TMEM266: variants seen among roughly 807,000 people sequenced by gnomAD.
TMEM266 encodes Hv1 related protein 1.
Under a neutral mutation model 50.5 loss-of-function variants are expected in TMEM266, and 33 were observed. The observed-to-expected ratio is 0.65, with a 90% CI of 0.50 to 0.87. The LOEUF is 0.87. Ranked by LOEUF, TMEM266 falls within the 40% of genes least tolerant of loss-of-function variation. TMEM266 has a pLI of 0.00. For synonymous variants in TMEM266, 310 were observed against 292.3 expected (o/e 1.06, Z -0.62); for missense variants, 655 against 695.1 (o/e 0.94, Z 0.65).
At chr15:76,083,068 G>T (rs2036719490) in intron 1 of TMEM266, among the ~76,000 whole-genome samples, 1 of 151,968 alleles carries the variant, frequency 6.6e-6, no homozygotes, top group Non-Finnish European at 1.5e-5. Context: ...CCATTCATGA[G>T]GGATCCACCC....
chr15:76,124,505 A>AT (rs2037389911), intron 1 of TMEM266, among the ~76,000 whole-genome samples: 1 of 152,182 alleles, frequency 6.6e-6, no homozygotes, highest in Non-Finnish European at 1.5e-5. Flanking sequence ...TCCTATCAAA[A>AT]TTCCAATAGT....
intron 1 of TMEM266, among the ~76,000 whole-genome samples, chr15:76,127,449 C>T (rs560850510): frequency 9.2e-5 from 14 of 151,998 alleles, no homozygotes; most frequent in Non-Finnish European, 1.8e-4. Context: ...ACTTGAACCT[C>T]CAGAGCAGCT....
At chr15:76,178,021 C>T (rs1021599914) in intron 8 of TMEM266, among the ~76,000 whole-genome samples, 14 of 152,194 alleles carry the variant, frequency 9.2e-5, no homozygotes, top group Admixed American at 7.2e-4. Flanking sequence ...GTGGGGTGTG[C>T]GAGTGGGTGC....
chr15:76,187,844 T>C (rs191879337), intron 8 of TMEM266, among the ~76,000 whole-genome samples: 1 of 152,336 alleles, frequency 6.6e-6, no homozygotes, highest in Non-Finnish European at 1.5e-5. Flanking sequence ...TTGAACAGGC[T>C]AACTGGTTTC....
At chr15:76,128,913 C>T (rs2037462984) in intron 1 of TMEM266, among the ~76,000 whole-genome samples, 1 of 152,068 alleles carries the variant, frequency 6.6e-6, no homozygotes, top group Non-Finnish European at 1.5e-5. Context: ...ATGAATGAAT[C>T]CCTGGAGCTG....
At chr15:76,124,550 G>T (rs2142021693) in intron 1 of TMEM266, among the ~76,000 whole-genome samples, 1 of 152,172 alleles carries the variant, frequency 6.6e-6, no homozygotes, top group East Asian at 1.9e-4. Flanking sequence ...TGTAATCCAG[G>T]CTATTTGGGA....
At chr15:76,121,677 A>G (rs992240201) in intron 1 of TMEM266, among the ~76,000 whole-genome samples, 2 of 152,166 alleles carry the variant, frequency 1.3e-5, no homozygotes, top group Admixed American at 1.3e-4. Flanking sequence ...TCGGCCTCCC[A>G]AAGTGCTGGG....
At chr15:76,105,349 G>A (rs2037065007) in intron 1 of TMEM266, among the ~76,000 whole-genome samples, 1 of 152,186 alleles carries the variant, frequency 6.6e-6, no homozygotes, top group Non-Finnish European at 1.5e-5. Context: ...CCCCCTCTGA[G>A]GCTTCCCTGG....
rs1179453474 is a variant in TMEM266, at chr15:76,192,038, C to T, written c.839C>T (p.Ala280Val). 6 of 1,558,924 alleles carry T rather than the reference C, an allele frequency of 3.8e-6. No individual in the cohort carries two copies. The highest frequency in any genetic ancestry group is 1.2e-5 in the South Asian group (1 of 85,722). Residue 280 changes from alanine (A) to valine (V), a missense_variant, in exon 9 of 11, where the codon GCG (alanine) becomes GTG (valine). Coordinates refer to ENST00000388942, the MANE Select transcript of TMEM266 (RefSeq NM_152335.3). Reference sequence around the variant, plus strand: ...GACCTGGCTGCCGAGCGCGAAGCGGCGCTCCAGGCCCCGCACGTGCTCAGC... The same window carrying T: ...GACCTGGCTGCCGAGCGCGAAGCGGTGCTCCAGGCCCCGCACGTGCTCAGC...
At chr15:76,089,443 T>G (rs1203799528) in intron 1 of TMEM266, among the ~76,000 whole-genome samples, 1 of 152,076 alleles carries the variant, frequency 6.6e-6, no homozygotes, top group Non-Finnish European at 1.5e-5. Context: ...TCTGCCCGCC[T>G]CAGCCTCCCA....
rs993606874 is a variant in TMEM266 at position 76,106,843 on chromosome 15, G to A, written c.-96-27325G>A. Reference sequence around the variant, plus strand: ...TCACATACTTATTTTGTGTGTGTGTGTTGAGAACACTTAAACTCTAGTAAT... The same window carrying A: ...TCACATACTTATTTTGTGTGTGTGTATTGAGAACACTTAAACTCTAGTAAT... On this transcript the variant is annotated intron_variant, in intron 1 of 10. Transcript: ENST00000388942. 2.6e-5 allele frequency among the ~76,000 whole-genome samples: 4 copies of A among 152,280 alleles called. No homozygotes were observed. In the East Asian group the frequency reaches 7.7e-4, roughly 29 times the overall value.
chr15:76,120,158 G>A (rs2037318607), intron 1 of TMEM266, among the ~76,000 whole-genome samples: 1 of 151,054 alleles, frequency 6.6e-6, no homozygotes, highest in African/African-American at 2.4e-5. Flanking sequence ...GAAAATACCA[G>A]TATATAATGA....
At chr15:76,076,612 A>T (rs2036611251) in intron 1 of TMEM266, among the ~76,000 whole-genome samples, 1 of 152,094 alleles carries the variant, frequency 6.6e-6, no homozygotes, top group Non-Finnish European at 1.5e-5. Context: ...ACCAATTCCT[A>T]GGCAGAAATG....
chr15:76,129,605 G>A, intron 1 of TMEM266, among the ~76,000 whole-genome samples: 1 of 152,068 alleles, frequency 6.6e-6, no homozygotes, highest in Non-Finnish European at 1.5e-5. Context: ...TCACACCATT[G>A]CACTCCAGCC....
At chr15:76,078,424 C>T (rs1291900160) in intron 1 of TMEM266, among the ~76,000 whole-genome samples, 2 of 151,140 alleles carry the variant, frequency 1.3e-5, no homozygotes, top group Non-Finnish European at 2.9e-5. Context: ...GTCTGATTAG[C>T]ACGACTTAGC....
chr15:76,121,318 G>A (rs962084070), intron 1 of TMEM266, among the ~76,000 whole-genome samples: 11 of 152,114 alleles, frequency 7.2e-5, no homozygotes, highest in Non-Finnish European at 1.5e-4. Context: ...GTGGACAATT[G>A]TCTATAATGT....
rs146213404 is a variant in TMEM266, at chr15:76,090,711, G to A, written c.-97+30695G>A. Among the ~76,000 whole-genome samples, 52 of 152,160 alleles carry A rather than the reference G, an allele frequency of 3.4e-4. No individual in the cohort carries two copies. The East Asian group carries it at 0.01, about 29-fold the overall frequency. ...CGGGATTTGGGAGCTAAAACAATCT[G>A]AGCTCATAGAAGTAGAGAGATTAGA... On this transcript the variant is annotated intron_variant, in intron 1 of 10. Coordinates refer to ENST00000388942, the MANE Select transcript of TMEM266 (RefSeq NM_152335.3).
chr15:76,189,539 G>T (rs950869848), intron 8 of TMEM266, among the ~76,000 whole-genome samples: 3 of 152,182 alleles, frequency 2.0e-5, no homozygotes, highest in Non-Finnish European at 2.9e-5. Flanking sequence ...TCACAGAGGA[G>T]GACAGTGAGG....
intron 9 of TMEM266, among the ~76,000 whole-genome samples, chr15:76,200,005 G>C (rs903506273): frequency 1.3e-5 from 2 of 152,200 alleles, no homozygotes; most frequent in Non-Finnish European, 2.9e-5. Flanking sequence ...CTCACACATA[G>C]TAGGCCTTCC....
Sources: gnomAD v4.1 joint callset for allele counts (sites outside exome capture counted in the v4.1 genomes callset) on GRCh38, gnomAD v4.1.1 for gene constraint, MANE v1.5 for transcripts, NCBI Gene and HGNC (gene_info 2026-07-23, HGNC 2026-07-21) for gene names.